Variants in SETD1B observed in about 807,000 individuals in gnomAD.
The protein encoded by SETD1B is SET domain containing 1B, histone lysine methyltransferase.
In SETD1B, 7 loss-of-function variants were observed where a neutral mutation model predicts 148.0. The ratio of observed to expected loss-of-function variants is 0.05; its 90% CI spans 0.03 to 0.09. The LOEUF (loss-of-function observed/expected upper bound fraction) is 0.09, where lower values mean the gene tolerates loss of function less well. Among genes scored for constraint, SETD1B ranks in the 10% least tolerant of loss-of-function variants. The pLI, the probability that SETD1B is intolerant of heterozygous loss-of-function variation, is 1.00. For missense variants in SETD1B, 2,155 were observed against 2,729.9 expected, an observed-to-expected ratio of 0.79 and a Z score of 4.69; for synonymous variants, 1,361 against 1,186.5, an observed-to-expected ratio of 1.15 and a Z score of -3.02.
chr12:121,827,677 C>T (rs1356277468), intron 14 of SETD1B, 27 bp downstream of exon 14: 11 of 1,551,432 alleles, frequency 7.1e-6, no homozygotes, highest in African/African-American at 5.5e-5. Flanking sequence ...CCCAGATCGC[C>T]GGGGTGGCGG....
upstream of SETD1B, chr12:121,803,144 G>A (rs1025004289): frequency 5.3e-5 from 8 of 150,486 alleles, no homozygotes; most frequent in Admixed American, 1.3e-4. The surrounding 1 kb of genome is among the most constrained non-coding windows in gnomAD (Gnocchi z 4.7). Context: ...CGCCAGAGAG[G>A]AGCGGCAGAG....
At chr12:121,828,161 A>G (rs1180040670) in intron 16 of SETD1B, 91 bp downstream of exon 16, 4 of 1,487,434 alleles carry the variant, frequency 2.7e-6, no homozygotes, top group Non-Finnish European at 3.6e-6. Context: ...CGGCACGGGA[A>G]TCAGCTCGGC....
chr12:121,803,325 G>C (rs958793714), upstream of SETD1B: 3 of 152,260 alleles, frequency 2.0e-5, no homozygotes, highest in African/African-American at 7.2e-5. The surrounding 1 kb of genome is among the most constrained non-coding windows in gnomAD (Gnocchi z 4.7). Flanking sequence ...GCTGGAGGAA[G>C]GGGGGGAAGC....
rs974141946 is a variant in SETD1B at position 121,819,774 on chromosome 12, G to A, written c.3789G>A (p.Ala1263=). 18 of 1,551,470 alleles carry A rather than the reference G, an allele frequency of 1.2e-5. No individual in the cohort carries two copies. In the Middle Eastern group the frequency reaches 6.7e-4, roughly 58 times the overall value. ...PPLPVGVEEP[A]DSREPPEEPG... ...TGCCTGTGGGTGTTGAAGAGCCAGCGGACTCCAGGGAGCCGCCTGAGGAAC... is the reference window on the plus strand; with the variant it reads ...TGCCTGTGGGTGTTGAAGAGCCAGCAGACTCCAGGGAGCCGCCTGAGGAAC... The change falls in exon 11 of 17, where the codon GCG becomes GCA. Residue 1263 remains alanine, a synonymous_variant. Transcript: ENST00000604567.
chr12:121,799,963 G>A (rs999223762), upstream of SETD1B: 4 of 152,374 alleles, frequency 2.6e-5, no homozygotes, highest in African/African-American at 7.2e-5. Context: ...GAACCTGGAG[G>A]AGAGGAAGGT....
rs1875857926 is a variant in SETD1B at position 121,808,552 on chromosome 12, T to G, written c.657+232T>G. ...CTGCAGTAGGGCTCCATGGGATTGG[T>G]TCTGTTTCCTGTGGCTTCTCCCCTC... On this transcript the variant is annotated intron_variant, in intron 5 of 16. Transcript: ENST00000604567. This position sits in a 1 kb window ranked among gnomAD's most constrained non-coding sequence, Gnocchi z 5.3. 6.6e-6 allele frequency among the ~76,000 whole-genome samples: 1 copy of G among 152,220 alleles called. No homozygotes were observed. Among genetic ancestry groups the G allele is most frequent in the Non-Finnish European group, 1.5e-5 (1 of 68,030 alleles).
At chr12:121,826,415 C>T (rs1280842091) in intron 13 of SETD1B, among the ~76,000 whole-genome samples, 5 of 152,094 alleles carry the variant, frequency 3.3e-5, no homozygotes, top group African/African-American at 9.7e-5. Context: ...AGTGAAAAAG[C>T]GACTTCCATA....
chr12:121,791,763 C>T, the SETD1B span, among the ~76,000 whole-genome samples: 7 of 152,134 alleles, frequency 4.6e-5, no homozygotes, highest in Admixed American at 3.3e-4. Context: ...TAGGGGAGGC[C>T]CTGATGGCAG....
At position 121,832,025 on chromosome 12, in the gene SETD1B, G is replaced by A. The variant is rs773440907; in HGVS notation, c.*1786G>A. On this transcript the variant is annotated 3_prime_UTR_variant, in exon 17 of 17. Coordinates refer to ENST00000604567, the MANE Select transcript of SETD1B (RefSeq NM_001353345.2). ...GGGCACAGCGGCGAACTTCTCTTCC[G>A]TTTGCGGTTTTCTGCCTAATTGTGC... 4.6e-5 allele frequency: 7 copies of A among 152,018 alleles called. No homozygotes were observed. The highest frequency in any genetic ancestry group is 1.7e-4 in the African/African-American group (7 of 41,366). 9.4% of individuals were successfully genotyped at this position (152,018 alleles called of 1,614,324 possible). A position where few individuals can be genotyped will look rare whatever the true frequency, so the allele number is the denominator to read the frequency against.
intron 6 of SETD1B, among the ~76,000 whole-genome samples, chr12:121,812,004 C>G (rs188436527): frequency 1.3e-3 from 198 of 152,324 alleles, no homozygotes; most frequent in South Asian, 8.3e-3. Context: ...GTTTACCATG[C>G]TGACCACGGT....
In SETD1B at chr12:121,827,779, C is replaced by A; in HGVS notation, c.5514C>A (p.Asp1838Glu). The change falls in exon 15 of 17, where the codon GAC becomes GAA. Residue 1838 changes from aspartate to glutamate, a missense_variant. By Grantham distance (45) the Asp-to-Glu change is conservative. Coordinates refer to ENST00000604567, the MANE Select transcript of SETD1B (RefSeq NM_001353345.2). ...KLKFCKSHIH[D>E]WGLFAMEPIA... is the part of the protein sequence containing the mutation. ...AGTTCTGCAAGAGCCACATTCACGACTGGGGCTTGTTCGCCATGGAGCCCA... is the reference window on the plus strand; with the variant it reads ...AGTTCTGCAAGAGCCACATTCACGAATGGGGCTTGTTCGCCATGGAGCCCA... 1 of 1,554,264 alleles carries A rather than the reference C, an allele frequency of 6.4e-7. No homozygotes were observed.
chr12:121,793,754 G>A, the SETD1B span: 1 of 894,978 alleles, frequency 1.1e-6, no homozygotes, highest in East Asian at 3.3e-5. Flanking sequence ...CCGCCAGGCA[G>A]CCTCCCGGCC....
Position 121,814,439 on chromosome 12 carries a change from C to T in SETD1B, c.2224C>T (p.Leu742=). ...GCCTGGAGTCCCGCCCCCACCCATC[C>T]TGCCACCACTGCCCCCCTTTCCGCC... The part of the protein sequence containing the change: ...APPGVPPPPI[L]PPLPPFPPGL... Residue 742 remains leucine (L), a synonymous_variant, in exon 7 of 17, where the codon CTG becomes TTG. Transcript: ENST00000604567. The T allele has an allele frequency of 6.9e-7, 1 of 1,440,786 alleles. No individual in the cohort carries two copies. The highest frequency in any genetic ancestry group is 2.9e-5 in the Admixed American group (1 of 34,954). The allele number at this position is 1,440,786 out of a possible 1,614,324, so 89.3% of individuals were successfully genotyped here. A position where few individuals can be genotyped will look rare whatever the true frequency, so the allele number is the denominator to read the frequency against.
chr12:121,803,814 C>T (rs1370559444), upstream of SETD1B: 1 of 152,398 alleles, frequency 6.6e-6, no homozygotes, highest in East Asian at 1.9e-4. The surrounding 1 kb of genome is among the most constrained non-coding windows in gnomAD (Gnocchi z 4.7). Context: ...AAAGGCCTTC[C>T]CCCGGGGAGG....
At position 121,810,785 on chromosome 12, in the gene SETD1B, G is replaced by T; in HGVS notation, c.1840G>T (p.Ala614Ser). ...AGLLSQTAEV[A>S]LDLVGDRTPT... ...GCTTCTGAGCCAGACAGCTGAGGTG[G>T]CCTTGGACCTGGTTGGAGACAGAAC... The change falls in exon 6 of 17, where the codon GCC becomes TCC. Residue 614 changes from alanine (A) to serine (S), a missense_variant. This residue lies in a region of SETD1B where 295 missense variants were observed against 303.8 expected (regional missense o/e 0.97). Transcript: ENST00000604567. This position sits in a 1 kb window ranked among gnomAD's most constrained non-coding sequence, Gnocchi z 7.6. 1 of 1,539,160 alleles carries T rather than the reference G, an allele frequency of 6.5e-7. No homozygotes were observed. Among genetic ancestry groups the T allele is most frequent in the South Asian group, 1.2e-5 (1 of 83,308 alleles).
upstream of SETD1B, chr12:121,800,292 T>G (rs1875270481): frequency 6.6e-6 from 1 of 152,138 alleles, no homozygotes; most frequent in Non-Finnish European, 1.5e-5. Context: ...AGAGCTGGGC[T>G]GGAGGGCTGC....
rs768859960 is a variant in SETD1B, at chr12:121,807,194, G to A, written c.545-1014G>A. Among the ~76,000 whole-genome samples the A allele has an allele frequency of 2.3e-3, 355 of 152,148 alleles. 2 individuals are homozygous for A. The highest frequency in any genetic ancestry group is 1.3e-3 in the Non-Finnish European group (86 of 67,992). On this transcript the variant is annotated intron_variant, in intron 4 of 16. Transcript: ENST00000604567. Reference sequence around the variant, plus strand: ...CGGGGGGTGGTGGCAGTTATTCCACGCACACTTGCCGAGCCTGTGCCCGGT... The same window carrying A: ...CGGGGGGTGGTGGCAGTTATTCCACACACACTTGCCGAGCCTGTGCCCGGT...
chr12:121,803,100 C>T (rs566032312), upstream of SETD1B: 12 of 151,914 alleles, frequency 7.9e-5, no homozygotes, highest in Non-Finnish European at 1.6e-4. This position sits in a 1 kb window ranked among gnomAD's most constrained non-coding sequence, Gnocchi z 4.7. Context: ...TACACCAGCT[C>T]CGAGCCCCGG....
intron 6 of SETD1B, among the ~76,000 whole-genome samples, chr12:121,812,105 G>T (rs930486056): frequency 9.9e-5 from 15 of 152,218 alleles, no homozygotes; most frequent in Admixed American, 7.2e-4. Flanking sequence ...CCAGCGCAGG[G>T]AGTCGCCGAG....
Sources: allele counts gnomAD v4.1 joint callset (sites outside exome capture counted in the v4.1 genomes callset), GRCh38; gene constraint gnomAD v4.1.1; regional missense constraint gnomAD v4.1.1; non-coding constraint Gnocchi (gnomAD v3.1); transcripts MANE v1.5; gene names NCBI Gene and HGNC (gene_info 2026-07-23, HGNC 2026-07-21).